ABLIM3: variants seen among roughly 807,000 people sequenced by gnomAD.
The protein encoded by ABLIM3 is actin binding LIM protein family member 3, also known as actin-binding LIM protein 3.
ABLIM3 carries 61 observed loss-of-function variants against 109.5 expected under a neutral mutation model. That is an observed-to-expected ratio of 0.56 (90% CI 0.45 to 0.69). The LOEUF is 0.69. Ranked by LOEUF, ABLIM3 falls within the 30% of genes least tolerant of loss-of-function variation. The pLI is 0.00. For missense variants in ABLIM3, 796 were observed against 889.5 expected (o/e 0.89, Z 1.34); for synonymous variants, 300 against 324.8 (o/e 0.92, Z 0.82).
At chr5:149,192,420 G>T (rs1018403479) in intron 3 of ABLIM3, among the ~76,000 whole-genome samples, 1 of 151,952 alleles carries the variant, frequency 6.6e-6, no homozygotes, top group Non-Finnish European at 1.5e-5. Context: ...TTAACCTATT[G>T]TACAAACTGT....
chr5:149,185,377 A>G (rs1185494117), intron 3 of ABLIM3, among the ~76,000 whole-genome samples: 2 of 152,142 alleles, frequency 1.3e-5, no homozygotes, highest in African/African-American at 4.8e-5. Flanking sequence ...CTCCAAGTAC[A>G]ATGAGAGAAC....
intron 2 of ABLIM3, among the ~76,000 whole-genome samples, chr5:149,168,154 T>G (rs1055783936): frequency 6.6e-6 from 1 of 152,088 alleles, no homozygotes; most frequent in Non-Finnish European, 1.5e-5. Flanking sequence ...TTGTCCCCAA[T>G]AGAGAACTGG....
chr5:149,194,610 A>C (rs150896093), intron 3 of ABLIM3, among the ~76,000 whole-genome samples: 24 of 152,344 alleles, frequency 1.6e-4, no homozygotes, highest in African/African-American at 5.3e-4. Context: ...AAATGAGTGA[A>C]CTGCAGTTAC....
chr5:149,256,096 G>C (rs1754401052), intron 23 of ABLIM3, among the ~76,000 whole-genome samples: 1 of 152,228 alleles, frequency 6.6e-6, no homozygotes, highest in Admixed American at 6.5e-5. Flanking sequence ...ATGGACAGTA[G>C]TGGCATTAGG....
At chr5:149,163,532 CCTCT>C (rs1754567031) in intron 2 of ABLIM3, among the ~76,000 whole-genome samples, 1 of 152,228 alleles carries the variant, frequency 6.6e-6, no homozygotes. Context: ...TCTTCTGAGT[CCTCT>C]CTCCTTGGCA....
intron 2 of ABLIM3, among the ~76,000 whole-genome samples, chr5:149,153,105 G>T (rs1411842801): frequency 6.6e-6 from 1 of 152,068 alleles, no homozygotes; most frequent in South Asian, 2.1e-4. Context: ...TCTTTCCTAA[G>T]CTCTAGGGTC....
chr5:149,240,793 G>T lies in ABLIM3; in HGVS notation c.1303+19G>T. On this transcript the variant is annotated intron_variant, in intron 14 of 23. Coordinates refer to ENST00000309868, the MANE Select transcript of ABLIM3 (RefSeq NM_014945.5). ...ATCCCAGGTAGGCACTGCCAGCCCA[G>T]AATTCCTGGGATGGATGCATGCTCC... 6.2e-7 allele frequency: 1 copy of T among 1,607,698 alleles called. No individual in the cohort carries two copies.
chr5:149,200,969 C>T (rs1203444091), intron 5 of ABLIM3, among the ~76,000 whole-genome samples: 1 of 152,152 alleles, frequency 6.6e-6, no homozygotes, highest in East Asian at 1.9e-4. Context: ...ACCTAGGAAT[C>T]AACATTCCCA....
At chr5:149,186,402 G>A (rs762212302) in intron 3 of ABLIM3, among the ~76,000 whole-genome samples, 3 of 151,674 alleles carry the variant, frequency 2.0e-5, no homozygotes, top group Admixed American at 6.6e-5. Flanking sequence ...GACAAATTGA[G>A]ACTTCATCTC....
chr5:149,225,988 AT>A (rs1761210107), intron 8 of ABLIM3, among the ~76,000 whole-genome samples: 1 of 15,644 alleles, frequency 6.4e-5, no homozygotes, highest in Non-Finnish European at 1.3e-4. Flanking sequence ...GTGTGTATAT[AT>A]ATATATATAT....
chr5:149,207,207 C>T, intron 6 of ABLIM3, 73 bp downstream of exon 6: 1 of 1,550,172 alleles, frequency 6.5e-7, no homozygotes, highest in Non-Finnish European at 8.8e-7. Context: ...TGAGCCCATG[C>T]CTACATCTCC....
intron 8 of ABLIM3, among the ~76,000 whole-genome samples, chr5:149,224,800 A>G (rs1466901425): frequency 6.6e-6 from 1 of 152,178 alleles, no homozygotes; most frequent in African/African-American, 2.4e-5. Flanking sequence ...AACCAAACCT[A>G]TGAGGCAGAT....
In ABLIM3 at chr5:149,259,350, C is replaced by G. The variant is rs765989927; in HGVS notation, c.*946C>G. On this transcript the variant is annotated 3_prime_UTR_variant, in exon 24 of 24. Transcript: ENST00000309868. ...CTATGTGCCTGACAACTCAACACAC[C>G]GCAGGGCTAATGTTCCCACCAGAGC... 1 of 1,442,886 alleles carries G rather than the reference C, an allele frequency of 6.9e-7. No homozygotes were observed. The highest frequency in any genetic ancestry group is 1.5e-5 in the South Asian group (1 of 68,350). The allele number at this position is 1,442,886 out of a possible 1,614,324, so 89.4% of individuals were successfully genotyped here.
At chr5:149,214,545 C>A (rs1265009568) in intron 7 of ABLIM3, among the ~76,000 whole-genome samples, 1 of 152,172 alleles carries the variant, frequency 6.6e-6, no homozygotes, top group Non-Finnish European at 1.5e-5. Context: ...CACTACTTAA[C>A]CCTGTGGACT....
At chr5:149,195,262 A>G (rs1757851235) in intron 3 of ABLIM3, among the ~76,000 whole-genome samples, 1 of 152,188 alleles carries the variant, frequency 6.6e-6, no homozygotes, top group South Asian at 2.1e-4. Context: ...AAAACATCAC[A>G]TTGTTCACTG....
At chr5:149,151,193 G>A (rs1305531477) in intron 2 of ABLIM3, among the ~76,000 whole-genome samples, 1 of 152,156 alleles carries the variant, frequency 6.6e-6, no homozygotes, top group Non-Finnish European at 1.5e-5. Context: ...GCTTGGAGAT[G>A]GCTGCCTTTC....
intron 8 of ABLIM3, among the ~76,000 whole-genome samples, chr5:149,227,180 T>C (rs1458577452): frequency 6.7e-6 from 1 of 149,684 alleles, no homozygotes; most frequent in Admixed American, 6.7e-5. Context: ...AGGTGTGGAG[T>C]GTGCTATAAC....
chr5:149,191,543 A>G (rs1237776549), intron 3 of ABLIM3, among the ~76,000 whole-genome samples: 1 of 138,250 alleles, frequency 7.2e-6, no homozygotes, highest in Non-Finnish European at 1.5e-5. Context: ...CAGAGAAGAG[A>G]AAAGGGTACA....
At chr5:149,161,937 G>T (rs774526930) in intron 2 of ABLIM3, among the ~76,000 whole-genome samples, 3 of 151,874 alleles carry the variant, frequency 2.0e-5, no homozygotes, top group Non-Finnish European at 4.4e-5. Context: ...CGCCTATAGA[G>T]AAAAGAAAGC....
Sources: allele counts gnomAD v4.1 joint callset (sites outside exome capture counted in the v4.1 genomes callset), GRCh38; gene constraint gnomAD v4.1.1; transcripts MANE v1.5; gene names NCBI Gene and HGNC (gene_info 2026-07-23, HGNC 2026-07-21).